Variants in MARK3 observed in about 807,000 individuals in gnomAD.
MARK3 encodes MAP/microtubule affinity-regulating kinase 3.
In MARK3, 46 loss-of-function variants were observed where a neutral mutation model predicts 90.1. The observed-to-expected ratio is 0.51, with a 90% confidence interval of 0.40 to 0.65. The LOEUF (loss-of-function observed/expected upper bound fraction) is 0.65, where lower values mean the gene tolerates loss of function less well. Among genes scored for constraint, MARK3 ranks in the 30% least tolerant of loss-of-function variants. The pLI, the probability that MARK3 is intolerant of heterozygous loss-of-function variation, is 0.00. For missense variants in MARK3, 818 were observed against 947.2 expected, an observed-to-expected ratio of 0.86 and a Z score of 1.79; for synonymous variants, 321 against 332.6, an observed-to-expected ratio of 0.97 and a Z score of 0.38.
Position 103,452,471 on chromosome 14 carries a change from C to CTTTTTTTTTTTTTTTTTTTTTTTTT in MARK3, c.412+506_412+507insTTTTTTTTTTTTTTTTTTTTTTTTT, listed in dbSNP as rs71126026. 4.0e-4 allele frequency among the ~76,000 whole-genome samples: 39 copies of CTTTTTTTTTTTTTTTTTTTTTTTTT among 97,456 alleles called. 10 individuals carry two copies. Among genetic ancestry groups the CTTTTTTTTTTTTTTTTTTTTTTTTT allele is most frequent in the Middle Eastern group, 7.2e-3 (1 of 138 alleles). 63.9% of individuals were successfully genotyped at this position (97,456 alleles called of 152,430 possible). A position where few individuals can be genotyped will look rare whatever the true frequency, so the allele number is the denominator to read the frequency against. ...ACAAGTGGAATTTTACAGGATTTGT[C>CTTTTTTTTTTTTTTTTTTTTTTTTT]TTTTTTTTTTTTTTTTTTGAGACGG... is the stretch of plus-strand genomic sequence containing the variant. On this transcript the variant is annotated intron_variant, in intron 5 of 17. Transcript: ENST00000429436.
intron 11 of MARK3, 121 bp from the exon 12 acceptor site, chr14:103,467,912 G>T: frequency 3.1e-6 from 3 of 954,338 alleles, no homozygotes; most frequent in Non-Finnish European, 4.5e-6. Flanking sequence ...TGTACGTTGT[G>T]ATTCCTCCTC....
Position 103,457,299 on chromosome 14 carries a change from G to A in MARK3, c.483+87G>A, listed in dbSNP as rs2093297734. 4 of 966,578 alleles carry A rather than the reference G, an allele frequency of 4.1e-6. No individual in the cohort carries two copies. In the South Asian group the frequency reaches 5.7e-5, roughly 14 times the overall value. 59.9% of individuals were successfully genotyped at this position (966,578 alleles called of 1,614,324 possible). Reference sequence around the variant, plus strand: ...CAAACAAGTGTTTGCCTCCATAAATGCTTATAAGGCCTGTTGGATGGCAGG... The same window carrying A: ...CAAACAAGTGTTTGCCTCCATAAATACTTATAAGGCCTGTTGGATGGCAGG... On this transcript the variant is annotated intron_variant, in intron 6 of 17. Coordinates refer to ENST00000429436, the MANE Select transcript of MARK3 (RefSeq NM_001128918.3).
intron 5 of MARK3, among the ~76,000 whole-genome samples, chr14:103,455,747 T>G (rs1174892927): frequency 6.8e-6 from 1 of 147,220 alleles, no homozygotes; most frequent in Non-Finnish European, 1.5e-5. Context: ...AAAAAAAGCA[T>G]TATGCAATCA....
At chr14:103,458,697 A>G in intron 6 of MARK3, 1 of 669,354 alleles carries the variant, frequency 1.5e-6, no homozygotes, top group Non-Finnish European at 2.7e-6. Context: ...TTTTCTTAGA[A>G]CCTTTATATT....
Position 103,428,426 on chromosome 14 carries a change from A to C in MARK3, c.283A>C (p.Thr95Pro). 6.7e-7 allele frequency: 1 copy of C among 1,503,466 alleles called. No individual in the cohort carries two copies. Among genetic ancestry groups the C allele is most frequent in the Non-Finnish European group, 9.0e-7 (1 of 1,108,530 alleles). 93.1% of individuals were successfully genotyped at this position (1,503,466 alleles called of 1,614,324 possible). The change falls in exon 3 of 18, where the codon ACA becomes CCA. Residue 95 changes from threonine to proline, a missense_variant. Physicochemically the swap from Thr to Pro is conservative, Grantham distance 38. Around this residue, in one of 3 missense-constraint regions of MARK3, gnomAD observed 157 missense variants for 158.7 expected, o/e 0.99. Transcript: ENST00000429436. ...KIIDKTQLNPTSLQKLFREVR... is the reference protein window; with the variant it reads ...KIIDKTQLNPPSLQKLFREVR... The stretch of plus-strand genomic sequence containing the variant: ...AATTGACAAAACTCAGTTGAATCCA[A>C]CAAGTCTACAAAAGGTAAGATTGGT...
intron 1 of MARK3, among the ~76,000 whole-genome samples, chr14:103,393,047 G>A (rs953389873): frequency 1.3e-5 from 2 of 152,156 alleles, no homozygotes; most frequent in African/African-American, 4.8e-5. Context: ...GCAGTGGCAT[G>A]ATCTTGGCTC....
intron 12 of MARK3, among the ~76,000 whole-genome samples, chr14:103,471,926 T>A (rs1013998372): frequency 6.6e-6 from 1 of 152,218 alleles, no homozygotes; most frequent in Non-Finnish European, 1.5e-5. Flanking sequence ...GATACAAATA[T>A]AGGGCTGGGC....
At chr14:103,500,900 A>G (rs989789090) in intron 17 of MARK3, among the ~76,000 whole-genome samples, 1 of 152,102 alleles carries the variant, frequency 6.6e-6, no homozygotes, top group Non-Finnish European at 1.5e-5. Context: ...GGGATGACAG[A>G]CATGAGCCCC....
intron 12 of MARK3, among the ~76,000 whole-genome samples, chr14:103,473,913 C>T (rs903417975): frequency 4.6e-5 from 7 of 152,036 alleles, no homozygotes; most frequent in Admixed American, 4.6e-4. Flanking sequence ...TTAGAAAAAA[C>T]AGGCTGGGCG....
intron 12 of MARK3, 113 bp downstream of exon 12, chr14:103,468,299 CT>C: frequency 2.9e-6 from 1 of 342,410 alleles, no homozygotes; most frequent in Non-Finnish European, 4.9e-6. Flanking sequence ...CTTGGCATTG[CT>C]TTCTTTCTTT....
At chr14:103,485,791 G>A (rs971221275) in intron 14 of MARK3, among the ~76,000 whole-genome samples, 4 of 152,116 alleles carry the variant, frequency 2.6e-5, no homozygotes, top group African/African-American at 4.8e-5. Flanking sequence ...CCAGCACTTC[G>A]GGAGGCCTAG....
At chr14:103,444,994 T>C (rs981151444) in intron 3 of MARK3, among the ~76,000 whole-genome samples, 2 of 152,202 alleles carry the variant, frequency 1.3e-5, no homozygotes, top group Non-Finnish European at 2.9e-5. Flanking sequence ...TGTATGCAAA[T>C]TGTCAACTTC....
chr14:103,453,713 A>G (rs1456045884), intron 5 of MARK3, among the ~76,000 whole-genome samples: 1 of 152,210 alleles, frequency 6.6e-6, no homozygotes, highest in Non-Finnish European at 1.5e-5. Flanking sequence ...TCTGTGGGCA[A>G]ACAACACAGA....
At chr14:103,423,302 G>C (rs1390401318) in intron 2 of MARK3, among the ~76,000 whole-genome samples, 1 of 149,712 alleles carries the variant, frequency 6.7e-6, no homozygotes, top group Non-Finnish European at 1.5e-5. Context: ...CCAACAGAAA[G>C]TGGAAGATAA....
chr14:103,427,303 C>T (rs2092438660), intron 2 of MARK3, among the ~76,000 whole-genome samples: 3 of 151,520 alleles, frequency 2.0e-5, no homozygotes, highest in African/African-American at 7.3e-5. Context: ...AGTTCGAGAC[C>T]AGCCTGGCCA....
intron 3 of MARK3, chr14:103,429,147 T>C (rs1209201319): frequency 2.0e-5 from 3 of 152,266 alleles, no homozygotes; most frequent in Non-Finnish European, 4.4e-5. Flanking sequence ...CTTCTAGTTG[T>C]TTTTAGCTTC....
At chr14:103,441,096 A>G (rs1029486858) in intron 3 of MARK3, among the ~76,000 whole-genome samples, 3 of 151,734 alleles carry the variant, frequency 2.0e-5, no homozygotes, top group African/African-American at 7.3e-5. Flanking sequence ...ATTTTTTCTT[A>G]GTTATTTTAG....
chr14:103,417,809 G>A (rs1436532111), intron 2 of MARK3, among the ~76,000 whole-genome samples: 1 of 152,116 alleles, frequency 6.6e-6, no homozygotes, highest in Non-Finnish European at 1.5e-5. Context: ...ACTCATGCCT[G>A]TAATCTCAGC....
intron 3 of MARK3, among the ~76,000 whole-genome samples, chr14:103,430,098 A>C (rs1194046326): frequency 1.3e-5 from 2 of 152,270 alleles, no homozygotes; most frequent in East Asian, 1.9e-4. Flanking sequence ...GTGATTATGC[A>C]TATTTGCATC....
Sources: gnomAD v4.1 joint callset for allele counts (sites outside exome capture counted in the v4.1 genomes callset) on GRCh38, gnomAD v4.1.1 for gene constraint, gnomAD v4.1.1 regional missense constraint, MANE v1.5 for transcripts, NCBI Gene and HGNC (gene_info 2026-07-23, HGNC 2026-07-21) for gene names.